The following ATG7 variants were observed in gnomAD, a reference collection of about 807,000 sequenced individuals.
The protein encoded by ATG7 is ubiquitin-like modifier-activating enzyme ATG7.
Under a neutral mutation model 82.4 loss-of-function variants are expected in ATG7, and 70 were observed. The observed-to-expected ratio is 0.85, with a 90% CI of 0.70 to 1.04. The LOEUF is 1.04. Ranked by LOEUF, ATG7 falls within the 50% of genes least tolerant of loss-of-function variation. The pLI is 0.00. For missense variants in ATG7, 792 were observed against 864.3 expected, an observed-to-expected ratio of 0.92 and a Z score of 1.05; for synonymous variants, 287 against 313.0, an observed-to-expected ratio of 0.92 and a Z score of 0.88.
chr3:11,431,349 T>C (rs1012849259), intron 20 of ATG7, among the ~76,000 whole-genome samples: 5 of 152,178 alleles, frequency 3.3e-5, no homozygotes, highest in African/African-American at 1.2e-4. Flanking sequence ...TGCAGTGAGC[T>C]GAGATTGTGC....
At chr3:11,530,938 G>A (rs1325980818) in intron 20 of ATG7, among the ~76,000 whole-genome samples, 5 of 152,150 alleles carry the variant, frequency 3.3e-5, no homozygotes, top group South Asian at 2.1e-4. Flanking sequence ...CCAAGGTCAC[G>A]CCACTGCACT....
intron 15 of ATG7, among the ~76,000 whole-genome samples, chr3:11,359,020 A>G (rs1370583040): frequency 6.6e-6 from 1 of 152,214 alleles, no homozygotes; most frequent in Non-Finnish European, 1.5e-5. Context: ...TATGTTTTCA[A>G]AGGACTTTAA....
intron 19 of ATG7, among the ~76,000 whole-genome samples, chr3:11,404,906 C>T (rs2080187172): frequency 6.6e-6 from 1 of 152,094 alleles, no homozygotes; most frequent in Admixed American, 6.5e-5. Context: ...GTCCCTCCCA[C>T]AACACATGGG....
chr3:11,410,290 C>T (rs1319889303), intron 19 of ATG7, among the ~76,000 whole-genome samples: 2 of 151,830 alleles, frequency 1.3e-5, no homozygotes, highest in African/African-American at 4.8e-5. Context: ...TAGATTTGTA[C>T]CTAGGTATTT....
chr3:11,384,993 C>A (rs2078205975), intron 19 of ATG7, among the ~76,000 whole-genome samples: 1 of 152,156 alleles, frequency 6.6e-6, no homozygotes, highest in Non-Finnish European at 1.5e-5. Context: ...AACAAAAAGT[C>A]AACTTAGCTG....
chr3:11,513,744 A>AG (rs2092166759), intron 20 of ATG7, among the ~76,000 whole-genome samples: 1 of 152,140 alleles, frequency 6.6e-6, no homozygotes. Context: ...GTGGGAGCCC[A>AG]GGCAGAGGAG....
intron 20 of ATG7, among the ~76,000 whole-genome samples, chr3:11,480,077 G>A (rs1341913926): frequency 2.0e-5 from 3 of 152,028 alleles, no homozygotes; most frequent in Admixed American, 6.6e-5. Context: ...ACAGGTGCCC[G>A]CCACCATGCT....
chr3:11,442,681 T>C (rs2084092229), intron 20 of ATG7, among the ~76,000 whole-genome samples: 1 of 137,192 alleles, frequency 7.3e-6, no homozygotes, highest in African/African-American at 2.8e-5. Context: ...GGTGGGAGGA[T>C]TGTGTGAGAC....
Position 11,273,201 on chromosome 3 carries a change from A to G in ATG7, c.-366+771A>G, listed in dbSNP as rs569774832. Among the ~76,000 whole-genome samples the G allele has an allele frequency of 2.0e-4, 30 of 152,232 alleles. 3 individuals are homozygous for G. The highest frequency in any genetic ancestry group is 1.6e-3 in the Admixed American group (24 of 15,284). On this transcript the variant is annotated intron_variant, in intron 1 of 20. Coordinates refer to ENST00000693202, the MANE Select transcript of ATG7 (RefSeq NM_001349232.2). ...CTCAGTTTTTACAAAACCCTGTTCA[A>G]CTGTAACCAGTCATATCTGTGGCTG...
At chr3:11,415,633 A>G (rs975162562) in intron 19 of ATG7, among the ~76,000 whole-genome samples, 18 of 152,274 alleles carry the variant, frequency 1.2e-4, no homozygotes, top group African/African-American at 4.1e-4. Flanking sequence ...ACTCAGGGTC[A>G]GGATCATCAG....
At chr3:11,524,759 C>T (rs1490064470) in intron 20 of ATG7, among the ~76,000 whole-genome samples, 2 of 151,990 alleles carry the variant, frequency 1.3e-5, no homozygotes, top group African/African-American at 4.8e-5. Context: ...TGTGCTCCAG[C>T]CTGGGCAACA....
intron 19 of ATG7, among the ~76,000 whole-genome samples, chr3:11,418,055 C>T (rs1278106903): frequency 1.3e-5 from 2 of 151,596 alleles, no homozygotes; most frequent in African/African-American, 2.4e-5. Flanking sequence ...TCGTTATCCA[C>T]CCGCCTCGGC....
At chr3:11,538,851 G>GC (rs2070574718) in intron 20 of ATG7, among the ~76,000 whole-genome samples, 1 of 143,492 alleles carries the variant, frequency 7.0e-6, no homozygotes. Flanking sequence ...CACATACTGG[G>GC]CAACAGAGTG....
At chr3:11,321,516 A>T (rs1950221850) in intron 9 of ATG7, among the ~76,000 whole-genome samples, 1 of 152,218 alleles carries the variant, frequency 6.6e-6, no homozygotes, top group Admixed American at 6.5e-5. Context: ...TACAGATGAG[A>T]TGAATGGAAA....
intron 9 of ATG7, among the ~76,000 whole-genome samples, chr3:11,327,049 C>CA (rs1950984985): frequency 6.6e-6 from 1 of 152,184 alleles, no homozygotes; most frequent in Non-Finnish European, 1.5e-5. Flanking sequence ...AGCTGCCTCC[C>CA]AGGATCCCTG....
intron 20 of ATG7, among the ~76,000 whole-genome samples, chr3:11,513,297 G>A (rs988093206): frequency 6.6e-6 from 1 of 152,252 alleles, no homozygotes; most frequent in African/African-American, 2.4e-5. Flanking sequence ...GGAGCAGGGG[G>A]CGGTGCTCGT....
At chr3:11,384,835 C>T (rs568286060) in intron 19 of ATG7, among the ~76,000 whole-genome samples, 4 of 152,072 alleles carry the variant, frequency 2.6e-5, no homozygotes, top group Non-Finnish European at 5.9e-5. Context: ...GTGGCCTATG[C>T]CTGTAGTCCC....
rs139065393 is a variant in ATG7, at chr3:11,472,647, C to T, written c.2079+45721C>T. On this transcript the variant is annotated intron_variant, in intron 20 of 20. Coordinates refer to ENST00000693202, the MANE Select transcript of ATG7 (RefSeq NM_001349232.2). ...TTACCTTTCTTTTTTGTTGCTAATA[C>T]GTCTGTTATTTCCTAGAATGGTATG... 7.8e-4 allele frequency among the ~76,000 whole-genome samples: 119 copies of T among 152,188 alleles called. 1 individual carries two copies. Among genetic ancestry groups the T allele is most frequent in the African/African-American group, 2.5e-3 (105 of 41,492 alleles).
chr3:11,497,533 CAAAA>C (rs760302631), intron 20 of ATG7, among the ~76,000 whole-genome samples: 28 of 77,444 alleles, frequency 3.6e-4, no homozygotes, highest in Non-Finnish European at 6.9e-4. Context: ...GAGACTCCAC[CAAAA>C]AAAAAAAAAA....
Sources: gnomAD v4.1 joint callset for allele counts (sites outside exome capture counted in the v4.1 genomes callset) on GRCh38, gnomAD v4.1.1 for gene constraint, MANE v1.5 for transcripts, NCBI Gene and HGNC (gene_info 2026-07-23, HGNC 2026-07-21) for gene names.